ARHGEF4: variants seen among roughly 807,000 people sequenced by gnomAD.
The protein encoded by ARHGEF4 is Rho guanine nucleotide exchange factor 4, also known as APC-stimulated guanine nucleotide exchange factor 1.
A neutral mutation model predicts 162.0 loss-of-function variants in ARHGEF4; 119 were observed. The ratio of observed to expected loss-of-function variants is 0.73; its 90% CI spans 0.63 to 0.86. The LOEUF (loss-of-function observed/expected upper bound fraction) is 0.86, where lower values mean the gene tolerates loss of function less well. ARHGEF4 is among the 40% of genes least tolerant of loss of function. ARHGEF4 has a pLI of 0.00. For missense variants in ARHGEF4, 2,488 were observed against 2,456.0 expected (o/e 1.01, Z -0.28); for synonymous variants, 1,014 against 979.9 (o/e 1.03, Z -0.65).
intron 1 of ARHGEF4, among the ~76,000 whole-genome samples, chr2:130,893,746 G>A (rs1679995210): frequency 1.3e-5 from 2 of 152,190 alleles, no homozygotes; most frequent in Admixed American, 1.3e-4. Context: ...ATCAGATGTG[G>A]TCCCAGTCCC....
intron 2 of ARHGEF4, among the ~76,000 whole-genome samples, chr2:130,917,823 C>CTTTTT (rs72157600): frequency 9.4e-6 from 1 of 106,936 alleles, no homozygotes; most frequent in Non-Finnish European, 2.0e-5. Context: ...TTCTTTTTTT[C>CTTTTT]TTTTTTTTTT....
At chr2:130,919,800 C>T (rs570517164) in intron 2 of ARHGEF4, among the ~76,000 whole-genome samples, 107 of 151,828 alleles carry the variant, frequency 7.0e-4, no homozygotes, top group African/African-American at 2.1e-3. Context: ...CACTTGAATC[C>T]GGGAGGCAAA....
At position 130,914,674 on chromosome 2, in the gene ARHGEF4, A is replaced by G; in HGVS notation, c.728A>G (p.His243Arg). ...WCCELGRSWP[H>R]IHNRARALVL... ...TGTGAACTGGGTCGGAGTTGGCCAC[A>G]TATCCACAACAGGGCCAGGGCACTG... is the stretch of plus-strand genomic sequence containing the variant. The change falls in exon 2 of 14, where the codon CAT (histidine) becomes CGT (arginine). Residue 243 changes from histidine to arginine, a missense_variant. Transcript: ENST00000409359. 7.2e-7 allele frequency: 1 copy of G among 1,389,698 alleles called. No homozygotes were observed. The highest frequency in any genetic ancestry group is 9.3e-7 in the Non-Finnish European group (1 of 1,078,500). 86.1% of individuals were successfully genotyped at this position (1,389,698 alleles called of 1,614,324 possible). A position where few individuals can be genotyped will look rare whatever the true frequency, so the allele number is the denominator to read the frequency against.
rs1018627734 is a variant in ARHGEF4 at position 130,859,369 on chromosome 2, CAG to C, written c.39+22378_39+22379del. Among the ~76,000 whole-genome samples the C allele has an allele frequency of 4.3e-3, 392 of 91,840 alleles. 93 individuals are homozygous for C. Among genetic ancestry groups the C allele is most frequent in the Non-Finnish European group, 8.6e-3 (312 of 36,290 alleles). The allele number at this position is 91,840 out of a possible 152,430, so 60.3% of individuals were successfully genotyped here. A position where few individuals can be genotyped will look rare whatever the true frequency, so the allele number is the denominator to read the frequency against. On this transcript the variant is annotated intron_variant, in intron 1 of 13. Coordinates refer to ENST00000409359, the MANE Select transcript of ARHGEF4 (RefSeq NM_001367493.1). ...TGCCACTGTACTGCAGCCTGGGAAACAGGGCAAGAGTCCATCTCAAAAAAAAA... is the reference window on the plus strand; with the variant it reads ...TGCCACTGTACTGCAGCCTGGGAAACGGCAAGAGTCCATCTCAAAAAAAAA...
chr2:130,913,041 C>T (rs927547375), intron 1 of ARHGEF4, among the ~76,000 whole-genome samples: 2 of 152,030 alleles, frequency 1.3e-5, no homozygotes, highest in Non-Finnish European at 2.9e-5. Flanking sequence ...TAGGAAGAAA[C>T]AATATATATA....
intron 1 of ARHGEF4, among the ~76,000 whole-genome samples, chr2:130,897,133 C>T (rs939724535): frequency 3.9e-5 from 6 of 152,308 alleles, no homozygotes; most frequent in Admixed American, 2.0e-4. Flanking sequence ...CCCCTTGCAG[C>T]GCACTCCCTG....
Position 130,916,426 on chromosome 2 carries a change from C to T in ARHGEF4, c.2480C>T (p.Ser827Leu). The change falls in exon 2 of 14, where the codon TCA becomes TTA. Residue 827 changes from serine (S) to leucine (L), a missense_variant. Coordinates refer to ENST00000409359, the MANE Select transcript of ARHGEF4 (RefSeq NM_001367493.1). ...PTTEGRRWGS[S>L]GPEGLPRENP... ...ACCGAGGGTCGCCGCTGGGGCTCTTCAGGCCCCGAGGGGCTCCCCAGGGAG... is the reference window on the plus strand; with the variant it reads ...ACCGAGGGTCGCCGCTGGGGCTCTTTAGGCCCCGAGGGGCTCCCCAGGGAG... The T allele has an allele frequency of 1.3e-6, 2 of 1,536,258 alleles. No individual in the cohort carries two copies. Among genetic ancestry groups the T allele is most frequent in the Non-Finnish European group, 1.7e-6 (2 of 1,143,948 alleles).
At chr2:131,044,728 G>T (rs920010917) in intron 12 of ARHGEF4, among the ~76,000 whole-genome samples, 186 bp downstream of exon 12, 2 of 152,264 alleles carry the variant, frequency 1.3e-5, no homozygotes, top group Non-Finnish European at 2.9e-5. Context: ...CAATGGCAGG[G>T]TTACCTGACC....
chr2:130,946,371 C>T (rs1186062186), intron 3 of ARHGEF4, 138 bp from the exon 4 acceptor site: 5 of 1,067,390 alleles, frequency 4.7e-6, no homozygotes, highest in Non-Finnish European at 6.6e-6. Flanking sequence ...AAAGGCATCC[C>T]CTGGAGCTGT....
chr2:130,923,467 A>G (rs893396551), intron 2 of ARHGEF4, among the ~76,000 whole-genome samples: 1 of 152,130 alleles, frequency 6.6e-6, no homozygotes, highest in Non-Finnish European at 1.5e-5. Flanking sequence ...TACAGTAAGC[A>G]TTACTGACCA....
At chr2:130,976,673 C>T (rs1006930339) in intron 4 of ARHGEF4, among the ~76,000 whole-genome samples, 3 of 152,108 alleles carry the variant, frequency 2.0e-5, no homozygotes, top group South Asian at 4.1e-4. Flanking sequence ...AAAAACTCGA[C>T]GTGTAGGATG....
At chr2:131,034,407 G>A (rs1300972216) in intron 5 of ARHGEF4, among the ~76,000 whole-genome samples, 2 of 152,214 alleles carry the variant, frequency 1.3e-5, no homozygotes, top group Non-Finnish European at 2.9e-5. Flanking sequence ...AGTGGAGGCA[G>A]AGGAAGCCCT....
intron 3 of ARHGEF4, among the ~76,000 whole-genome samples, chr2:130,943,227 T>C (rs1683413901): frequency 6.6e-6 from 1 of 152,206 alleles, no homozygotes; most frequent in Non-Finnish European, 1.5e-5. Flanking sequence ...GTAATTTTCC[T>C]TGCTCTGAAA....
chr2:130,948,641 TGAC>T (rs1683767318), intron 4 of ARHGEF4, among the ~76,000 whole-genome samples: 1 of 152,248 alleles, frequency 6.6e-6, no homozygotes, highest in African/African-American at 2.4e-5. Context: ...ATGCCACCAG[TGAC>T]ATCCAGCATG....
chr2:131,005,075 G>A (rs1230816904), intron 4 of ARHGEF4, among the ~76,000 whole-genome samples: 3 of 152,242 alleles, frequency 2.0e-5, no homozygotes, highest in African/African-American at 4.8e-5. Flanking sequence ...GCTGAGGGCT[G>A]TATGGTGGTG....
At chr2:130,896,326 G>A (rs1304380309) in intron 1 of ARHGEF4, among the ~76,000 whole-genome samples, 2 of 152,130 alleles carry the variant, frequency 1.3e-5, no homozygotes, top group African/African-American at 4.8e-5. Context: ...TGAATGGGAG[G>A]GTTTCTGTGT....
intron 12 of ARHGEF4, 147 bp downstream of exon 12, chr2:131,044,689 A>G: frequency 8.7e-7 from 1 of 1,144,802 alleles, no homozygotes; most frequent in African/African-American, 1.6e-5. Flanking sequence ...GGTCCCAGTC[A>G]TGAGCATAAG....
intron 1 of ARHGEF4, among the ~76,000 whole-genome samples, chr2:130,901,805 G>T (rs1481317512): frequency 6.6e-6 from 1 of 152,122 alleles, no homozygotes; most frequent in East Asian, 1.9e-4. Context: ...ACAGGCCTGA[G>T]CCACCGTGCC....
intron 3 of ARHGEF4, among the ~76,000 whole-genome samples, chr2:130,937,186 C>T (rs965343705): frequency 4.6e-5 from 7 of 152,040 alleles, no homozygotes; most frequent in Admixed American, 4.6e-4. Flanking sequence ...GCTGGGATTA[C>T]AGGTGTGAGC....
Sources: gnomAD v4.1 joint callset for allele counts (sites outside exome capture counted in the v4.1 genomes callset) on GRCh38, gnomAD v4.1.1 for gene constraint, MANE v1.5 for transcripts, NCBI Gene and HGNC (gene_info 2026-07-23, HGNC 2026-07-21) for gene names.